PPP4R2: variants seen among roughly 807,000 people sequenced by gnomAD.
PPP4R2 encodes serine/threonine-protein phosphatase 4 regulatory subunit 2.
Under a neutral mutation model 47.2 loss-of-function variants are expected in PPP4R2, and 13 were observed. That is an observed-to-expected ratio of 0.28 (90% CI 0.18 to 0.44). The LOEUF (loss-of-function observed/expected upper bound fraction) is 0.44, where lower values mean the gene tolerates loss of function less well. Among genes scored for constraint, PPP4R2 ranks in the 20% least tolerant of loss-of-function variants. PPP4R2 has a pLI of 1.00. For missense variants in PPP4R2, 421 were observed against 491.2 expected (o/e 0.86, Z 1.35); for synonymous variants, 151 against 163.3 (o/e 0.92, Z 0.57).
At position 73,062,213 on chromosome 3, in the gene PPP4R2, A is replaced by G. The variant is rs371350037; in HGVS notation, c.419+1153A>G. On this transcript the variant is annotated intron_variant, in intron 5 of 8. Coordinates refer to ENST00000356692, the MANE Select transcript of PPP4R2 (RefSeq NM_174907.4). ...AAATTAAAGAATTAAGTCGGAACCA[A>G]TTTTCCACAATGTCTCATCTAAGAA... 188 of 1,589,736 alleles carry G rather than the reference A, an allele frequency of 1.2e-4. 1 individual carries two copies. The highest frequency in any genetic ancestry group is 8.2e-4 in the African/African-American group (60 of 73,584).
chr3:73,049,947 T>G (rs1702575036), intron 3 of PPP4R2, among the ~76,000 whole-genome samples: 2 of 151,736 alleles, frequency 1.3e-5, no homozygotes, highest in East Asian at 3.9e-4. Context: ...TTGTTTTGTT[T>G]TATTTTATTT....
intron 3 of PPP4R2, among the ~76,000 whole-genome samples, chr3:73,058,328 G>A (rs780883392): frequency 6.6e-6 from 1 of 152,026 alleles, no homozygotes; most frequent in Non-Finnish European, 1.5e-5. Context: ...AAACCTTTGA[G>A]TGCAGAAGAA....
At chr3:73,024,636 C>A (rs1019859054) in intron 2 of PPP4R2, among the ~76,000 whole-genome samples, 1 of 152,124 alleles carries the variant, frequency 6.6e-6, no homozygotes, top group Non-Finnish European at 1.5e-5. Context: ...TCTTTTCTCT[C>A]TCCTTCCTTC....
In PPP4R2 at chr3:72,996,912, C is replaced by T. The variant is rs373081433; in HGVS notation, c.-126C>T. On this transcript the variant is annotated 5_prime_UTR_variant, in exon 1 of 9. Transcript: ENST00000356692. ...CCCCCGGCTCCCTTCGTTTCCCCCC[C>T]CCGGTCGCCTGCGTGCCGGAGTGTG... The T allele has an allele frequency of 5.3e-4, 314 of 596,108 alleles. 1 individual carries two copies. The African/African-American group carries it at 5.4e-3, about 10-fold the overall frequency. The allele number at this position is 596,108 out of a possible 1,614,324, so 36.9% of individuals were successfully genotyped here.
intron 2 of PPP4R2, among the ~76,000 whole-genome samples, chr3:72,999,932 G>A (rs1173691584): frequency 6.6e-6 from 1 of 152,096 alleles, no homozygotes; most frequent in East Asian, 1.9e-4. Flanking sequence ...TATCAACATG[G>A]CATATCTTTG....
rs545680856 is a variant in PPP4R2 at position 73,003,768 on chromosome 3, G to C, written c.116+5610G>C. ...GGCTGGAGTGCAGTGGTGCGATCTT[G>C]ACTCACTACAACCTCCACCTCCTGG... On this transcript the variant is annotated intron_variant, in intron 2 of 8. Coordinates refer to ENST00000356692, the MANE Select transcript of PPP4R2 (RefSeq NM_174907.4). Among the ~76,000 whole-genome samples the C allele has an allele frequency of 1.5e-3, 230 of 151,690 alleles. 1 individual carries two copies. Among genetic ancestry groups the C allele is most frequent in the African/African-American group, 5.2e-3 (216 of 41,372 alleles).
rs542251473 is a variant in PPP4R2 at position 73,068,795 on chromosome 3, C to T, written c.*3073C>T. ...AAAGGTACTTGGGCAGAATCTAAAG[C>T]TGCTACAATGTTTGATTATGAAAAA... On this transcript the variant is annotated 3_prime_UTR_variant, in exon 9 of 9. Coordinates refer to ENST00000356692, the MANE Select transcript of PPP4R2 (RefSeq NM_174907.4). 3 of 152,208 alleles carry T rather than the reference C, an allele frequency of 2.0e-5. No individual in the cohort carries two copies. The East Asian group carries it at 5.8e-4, about 29-fold the overall frequency. 9.4% of individuals were successfully genotyped at this position (152,208 alleles called of 1,614,324 possible).
At chr3:73,016,733 A>AT in intron 2 of PPP4R2, among the ~76,000 whole-genome samples, 1 of 102,628 alleles carries the variant, frequency 9.7e-6, no homozygotes, top group East Asian at 3.1e-4. Context: ...TTCATTGTTT[A>AT]TTTTTATTAT....
In PPP4R2 at chr3:73,065,043, A is replaced by G. The variant is rs776450224; in HGVS notation, c.830A>G (p.Glu277Gly). 4.3e-6 allele frequency: 7 copies of G among 1,613,878 alleles called. No individual in the cohort carries two copies. Among genetic ancestry groups the G allele is most frequent in the African/African-American group, 4.0e-5 (3 of 74,914 alleles). ...EISSVMVGETEASSSSQDKDK... is the reference protein window; with the variant it reads ...EISSVMVGETGASSSSQDKDK... The stretch of plus-strand genomic sequence containing the variant: ...TCTTCAGTTATGGTAGGAGAAACAG[A>G]AGCATCATCTTCATCTCAGGATAAA... Residue 277 changes from glutamate to glycine, a missense_variant, in exon 8 of 9, where the codon GAA becomes GGA. Coordinates refer to ENST00000356692, the MANE Select transcript of PPP4R2 (RefSeq NM_174907.4).
chr3:73,042,762 C>T (rs954518198), intron 2 of PPP4R2, among the ~76,000 whole-genome samples: 4 of 152,094 alleles, frequency 2.6e-5, no homozygotes, highest in Non-Finnish European at 2.9e-5. Flanking sequence ...TTATGAATGC[C>T]CTCCCCATAT....
chr3:73,022,564 TTC>T (rs1312085012), intron 2 of PPP4R2, among the ~76,000 whole-genome samples: 2 of 152,184 alleles, frequency 1.3e-5, no homozygotes, highest in Non-Finnish European at 1.5e-5. Flanking sequence ...TTAGAATTTT[TTC>T]TGTTACATAT....
intron 2 of PPP4R2, among the ~76,000 whole-genome samples, chr3:73,039,816 G>A (rs1419753084): frequency 1.3e-5 from 2 of 152,186 alleles, no homozygotes; most frequent in Non-Finnish European, 2.9e-5. Context: ...ACTTTGGGAG[G>A]CCAAGGCGGC....
chr3:73,019,517 G>A (rs1701916961), intron 2 of PPP4R2, among the ~76,000 whole-genome samples: 1 of 152,110 alleles, frequency 6.6e-6, no homozygotes, highest in African/African-American at 2.4e-5. Flanking sequence ...GGGATTATAG[G>A]CATGTGCCAC....
At chr3:73,038,445 G>T (rs1702308909) in intron 2 of PPP4R2, among the ~76,000 whole-genome samples, 1 of 151,848 alleles carries the variant, frequency 6.6e-6, no homozygotes. Flanking sequence ...ACCCAGGCTG[G>T]AGTGCAGTGG....
intron 2 of PPP4R2, among the ~76,000 whole-genome samples, chr3:73,000,140 T>C (rs1476286167): frequency 6.6e-6 from 1 of 152,160 alleles, no homozygotes; most frequent in African/African-American, 2.4e-5. Flanking sequence ...ATCTCAGCAC[T>C]TTGGGAAACA....
chr3:73,062,442 C>T, intron 5 of PPP4R2: 1 of 1,611,846 alleles, frequency 6.2e-7, no homozygotes, highest in South Asian at 1.1e-5. Context: ...TCATTTCCAC[C>T]CTGTGACCCC....
intron 2 of PPP4R2, among the ~76,000 whole-genome samples, chr3:73,029,721 G>T (rs1702133907): frequency 6.6e-6 from 1 of 152,170 alleles, no homozygotes. Context: ...AAAAACTCCA[G>T]ACTGGATGAG....
At position 73,015,406 on chromosome 3, in the gene PPP4R2, G is replaced by A. The variant is rs1295288891; in HGVS notation, c.116+17248G>A. 2.0e-5 allele frequency among the ~76,000 whole-genome samples: 3 copies of A among 151,578 alleles called. No individual in the cohort carries two copies. The East Asian group carries it at 5.9e-4, about 30-fold the overall frequency. ...TGGCCATGCTGGTCTTGAACTCCTG[G>A]CCTCAAGTAATCCACCCGCGTTGGC... On this transcript the variant is annotated intron_variant, in intron 2 of 8. Coordinates refer to ENST00000356692, the MANE Select transcript of PPP4R2 (RefSeq NM_174907.4).
chr3:72,997,883 T>G lies in PPP4R2; in HGVS notation c.35-194T>G, dbSNP rs1701383042. On this transcript the variant is annotated intron_variant, in intron 1 of 8. Coordinates refer to ENST00000356692, the MANE Select transcript of PPP4R2 (RefSeq NM_174907.4). The stretch of plus-strand genomic sequence containing the variant: ...AGTTGAGTGCCCCCTTTAGGAGGAT[T>G]CTTGTTATCTGTAAAGAGGGTGACA... Among the ~76,000 whole-genome samples the G allele has an allele frequency of 2.0e-5, 3 of 152,170 alleles. No individual in the cohort carries two copies. The South Asian group carries it at 6.2e-4, about 32-fold the overall frequency.
Sources: gnomAD v4.1 joint callset for allele counts (sites outside exome capture counted in the v4.1 genomes callset) on GRCh38, gnomAD v4.1.1 for gene constraint, MANE v1.5 for transcripts, NCBI Gene and HGNC (gene_info 2026-07-23, HGNC 2026-07-21) for gene names.